Variants in ASAP1 observed in about 807,000 individuals in gnomAD.
The protein encoded by ASAP1 is ArfGAP with SH3 domain, ankyrin repeat and PH domain 1.
In ASAP1, 43 loss-of-function variants were observed where a neutral mutation model predicts 145.2. The ratio of observed to expected loss-of-function variants is 0.30; its 90% CI spans 0.23 to 0.38. The LOEUF is 0.38. Ranked by LOEUF, ASAP1 falls within the 10% of genes least tolerant of loss-of-function variation. The pLI, the probability that ASAP1 is intolerant of heterozygous loss-of-function variation, is 1.00. For synonymous variants in ASAP1, 546 were observed against 515.5 expected (o/e 1.06, Z -0.80); for missense variants, 1,018 against 1,355.3 (o/e 0.75, Z 3.91).
At chr8:130,408,649 T>C (rs1356425415) in intron 1 of ASAP1, among the ~76,000 whole-genome samples, 1 of 152,150 alleles carries the variant, frequency 6.6e-6, no homozygotes, top group African/African-American at 2.4e-5. Flanking sequence ...CTTACATATA[T>C]CCTATAAATT....
At chr8:130,343,723 G>A (rs1003221495) in intron 3 of ASAP1, among the ~76,000 whole-genome samples, 12 of 152,200 alleles carry the variant, frequency 7.9e-5, no homozygotes, top group African/African-American at 2.9e-4. Flanking sequence ...GTGAACAACA[G>A]GTCCTCCCTT....
At chr8:130,187,419 C>A (rs1015453462) in intron 6 of ASAP1, 134 bp from the exon 7 acceptor site, 8 of 691,110 alleles carry the variant, frequency 1.2e-5, no homozygotes, top group African/African-American at 1.9e-5. Flanking sequence ...CACGTTACAC[C>A]ATTTTTTTTT....
intron 5 of ASAP1, among the ~76,000 whole-genome samples, chr8:130,189,059 T>C (rs1814955239): frequency 6.6e-6 from 1 of 152,238 alleles, no homozygotes; most frequent in African/African-American, 2.4e-5. Context: ...ATAATAGTTG[T>C]ATTTATGAAG....
chr8:130,058,193 T>G (rs1247020882), intron 28 of ASAP1, 117 bp from the exon 29 acceptor site: 2 of 1,122,608 alleles, frequency 1.8e-6, no homozygotes, highest in Non-Finnish European at 2.6e-6. Context: ...GAGCCTTGAT[T>G]TCCTCACCCT....
At chr8:130,432,218 G>A (rs1403426349) in intron 1 of ASAP1, among the ~76,000 whole-genome samples, 3 of 151,862 alleles carry the variant, frequency 2.0e-5, no homozygotes, top group Non-Finnish European at 4.4e-5. Flanking sequence ...AGAAGAGGAC[G>A]ACAAATGTTA....
At chr8:130,217,067 C>T (rs1253410819) in intron 4 of ASAP1, among the ~76,000 whole-genome samples, 3 of 152,124 alleles carry the variant, frequency 2.0e-5, no homozygotes, top group Non-Finnish European at 4.4e-5. Context: ...ACTGCATTTC[C>T]CCATACTCTC....
chr8:130,330,812 T>G (rs1220183863), intron 3 of ASAP1, among the ~76,000 whole-genome samples: 2 of 152,184 alleles, frequency 1.3e-5, no homozygotes, highest in Non-Finnish European at 2.9e-5. Flanking sequence ...TAATCATTCT[T>G]AAACCTATAA....
In ASAP1 at chr8:130,061,079, C is replaced by T. The variant is rs111808729; in HGVS notation, c.2702-10G>A. On this transcript the variant is annotated splice_polypyrimidine_tract_variant and intron_variant, in intron 27 of 29. Transcript: ENST00000518721. ...GTTTTCCTTAGTGCCACTGTGGAAG[C>T]AATCAAAAACAAGGAGGTCATTGGT... 1.1e-5 allele frequency: 16 copies of T among 1,520,340 alleles called. No individual in the cohort carries two copies. In the African/African-American group the frequency reaches 1.7e-4, roughly 16 times the overall value. 94.2% of individuals were successfully genotyped at this position (1,520,340 alleles called of 1,614,324 possible). A position where few individuals can be genotyped will look rare whatever the true frequency, so the allele number is the denominator to read the frequency against.
At chr8:130,057,284 A>C (rs1173443874) in intron 29 of ASAP1, among the ~76,000 whole-genome samples, 2 of 152,182 alleles carry the variant, frequency 1.3e-5, no homozygotes, top group Non-Finnish European at 2.9e-5. Flanking sequence ...ATCTTGACTT[A>C]GCCTGCTTAC....
intron 24 of ASAP1, among the ~76,000 whole-genome samples, chr8:130,095,214 T>C (rs1382712213): frequency 6.6e-6 from 1 of 152,126 alleles, no homozygotes; most frequent in African/African-American, 2.4e-5. Flanking sequence ...GGGCCAGGCT[T>C]TTCTCTGGTT....
chr8:130,115,518 T>C (rs371277729), intron 23 of ASAP1, 110 bp downstream of exon 23: 137 of 837,562 alleles, frequency 1.6e-4, no homozygotes, highest in Middle Eastern at 7.3e-4. Flanking sequence ...CCCTGATACA[T>C]TGGATCATAA....
At chr8:130,116,437 G>A (rs1037425646) in intron 22 of ASAP1, among the ~76,000 whole-genome samples, 1 of 152,276 alleles carries the variant, frequency 6.6e-6, no homozygotes, top group South Asian at 2.1e-4. Context: ...TGCACAAGTC[G>A]ATCTGGTAAT....
intron 3 of ASAP1, among the ~76,000 whole-genome samples, chr8:130,303,697 A>G (rs1317337631): frequency 6.6e-6 from 1 of 152,052 alleles, no homozygotes; most frequent in Admixed American, 6.5e-5. Context: ...TATGACTCTG[A>G]CTATATGACA....
chr8:130,167,793 CA>C (rs2097683008), intron 10 of ASAP1, among the ~76,000 whole-genome samples, 171 bp from the exon 11 acceptor site: 1 of 152,106 alleles, frequency 6.6e-6, no homozygotes, highest in African/African-American at 2.4e-5. Flanking sequence ...ATAAAAGCAG[CA>C]GTGGGTTTTG....
At chr8:130,080,127 A>G (rs1053993411) in intron 25 of ASAP1, among the ~76,000 whole-genome samples, 156 bp from the exon 26 acceptor site, 1 of 152,174 alleles carries the variant, frequency 6.6e-6, no homozygotes, top group Non-Finnish European at 1.5e-5. Flanking sequence ...CTAAGACCAA[A>G]ACAAAACTGA....
intron 3 of ASAP1, among the ~76,000 whole-genome samples, chr8:130,328,954 T>C (rs1824512449): frequency 6.6e-6 from 1 of 152,126 alleles, no homozygotes; most frequent in Non-Finnish European, 1.5e-5. Flanking sequence ...TCAGACCTCT[T>C]AGACTAGCAG....
At chr8:130,175,563 C>G (rs540853376) in intron 9 of ASAP1, among the ~76,000 whole-genome samples, 1 of 152,134 alleles carries the variant, frequency 6.6e-6, no homozygotes, top group East Asian at 1.9e-4. Context: ...GGATATCAGA[C>G]TCTTATCAGA....
intron 4 of ASAP1, among the ~76,000 whole-genome samples, chr8:130,231,205 TA>T (rs1817891252): frequency 6.6e-6 from 1 of 152,178 alleles, no homozygotes; most frequent in African/African-American, 2.4e-5. Flanking sequence ...CCCTGTGTTA[TA>T]AAACTATCTA....
chr8:130,216,998 C>T (rs1047375165), intron 4 of ASAP1, among the ~76,000 whole-genome samples: 5 of 152,238 alleles, frequency 3.3e-5, no homozygotes, highest in African/African-American at 1.2e-4. Flanking sequence ...TTGTGGCAGA[C>T]ATTACCACTT....
Sources: gnomAD v4.1 joint callset for allele counts (sites outside exome capture counted in the v4.1 genomes callset) on GRCh38, gnomAD v4.1.1 for gene constraint, MANE v1.5 for transcripts, NCBI Gene and HGNC (gene_info 2026-07-23, HGNC 2026-07-21) for gene names.